STAT1: variants seen among roughly 807,000 people sequenced by gnomAD.
STAT1 encodes signal transducer and activator of transcription 1.
Under a neutral mutation model 111.7 loss-of-function variants are expected in STAT1, and 24 were observed. That is an observed-to-expected ratio of 0.21 (90% CI 0.16 to 0.30). The LOEUF (loss-of-function observed/expected upper bound fraction) is 0.30, where lower values mean the gene tolerates loss of function less well. Among genes scored for constraint, STAT1 ranks in the 10% least tolerant of loss-of-function variants. The probability of loss-of-function intolerance (pLI) is 1.00; values close to 1 mark genes in which losing one functional copy is unlikely to be tolerated. For synonymous variants in STAT1, 332 were observed against 326.5 expected (o/e 1.02, Z -0.18); for missense variants, 351 against 911.9 (o/e 0.38, Z 7.92).
intron 5 of STAT1, among the ~76,000 whole-genome samples, chr2:191,005,461 G>T (rs537976911): frequency 6.6e-6 from 1 of 152,136 alleles, no homozygotes; most frequent in Non-Finnish European, 1.5e-5. Flanking sequence ...CACACTATCT[G>T]TACTGTACCT....
Position 190,979,752 on chromosome 2 carries a change from C to T in STAT1, c.1727+20G>A. 2 of 1,577,762 alleles carry T rather than the reference C, an allele frequency of 1.3e-6. No homozygotes were observed. The highest frequency in any genetic ancestry group is 1.1e-5 in the South Asian group (1 of 90,282). Reference sequence around the variant, plus strand: ...AGCACTAAAAATATGTTTCAAAATACATCTATCGGTGGCCCTTACCCATCA... The same window carrying T: ...AGCACTAAAAATATGTTTCAAAATATATCTATCGGTGGCCCTTACCCATCA... On this transcript the variant is annotated intron_variant, in intron 20 of 24. Transcript: ENST00000361099. This position sits in a 1 kb window ranked among gnomAD's most constrained non-coding sequence, Gnocchi z 5.8.
Position 190,998,088 on chromosome 2 carries a change from A to G in STAT1, c.634-81T>C. On this transcript the variant is annotated intron_variant, in intron 8 of 24. Transcript: ENST00000361099. This position sits in a 1 kb window ranked among gnomAD's most constrained non-coding sequence, Gnocchi z 4.1. ...TAAAATATTTTTTAAAAGAAAAGCA[A>G]ATATCATTTCATTCTCAACTGGGGC... The G allele has an allele frequency of 6.3e-7, 1 of 1,577,128 alleles. No homozygotes were observed.
At position 190,979,529 on chromosome 2, in the gene STAT1, G is replaced by A. The variant is rs1359884881; in HGVS notation, c.1727+243C>T. ...TTGTTGAGTGAATGAATGCATGAAT[G>A]GCACTCAAGAGTTGTTTTTTTTTTT... On this transcript the variant is annotated intron_variant, in intron 20 of 24. Transcript: ENST00000361099. The surrounding 1 kb of genome is among the most constrained non-coding windows in gnomAD (Gnocchi z 5.8). Among the ~76,000 whole-genome samples, 3 of 151,926 alleles carry A rather than the reference G, an allele frequency of 2.0e-5. No individual in the cohort carries two copies. Among genetic ancestry groups the A allele is most frequent in the Admixed American group, 2.0e-4 (3 of 15,262 alleles).
chr2:190,993,528 A>C lies in STAT1; in HGVS notation c.944+1533T>G, dbSNP rs1175715073. ...AACCCCAGAGTCGCCAATCAGAAGT[A>C]ATTTGAATAAATAATCAATTTGGGA... On this transcript the variant is annotated intron_variant, in intron 10 of 24. Coordinates refer to ENST00000361099, the MANE Select transcript of STAT1 (RefSeq NM_007315.4). This position sits in a 1 kb window ranked among gnomAD's most constrained non-coding sequence, Gnocchi z 4.1. 5 of 701,422 alleles carry C rather than the reference A, an allele frequency of 7.1e-6. No individual in the cohort carries two copies. The East Asian group carries it at 1.5e-4, about 21-fold the overall frequency. The allele number at this position is 701,422 out of a possible 1,614,324, so 43.4% of individuals were successfully genotyped here.
chr2:190,972,148 C>T (rs994591483), intron 24 of STAT1, among the ~76,000 whole-genome samples: 2 of 152,198 alleles, frequency 1.3e-5, no homozygotes, highest in African/African-American at 4.8e-5. Flanking sequence ...GGGCAAGTGG[C>T]TTAACCTCTC....
At position 190,982,210 on chromosome 2, in the gene STAT1, T is replaced by C. The variant is rs1692445886; in HGVS notation, c.1582+173A>G. On this transcript the variant is annotated intron_variant, in intron 18 of 24. Coordinates refer to ENST00000361099, the MANE Select transcript of STAT1 (RefSeq NM_007315.4). The surrounding 1 kb of genome is among the most constrained non-coding windows in gnomAD (Gnocchi z 7.3). Reference sequence around the variant, plus strand: ...TTAAATGTTATCAGGTCTATATTTCTTTCTAAGGTGACATATGATTCTCAC... The same window carrying C: ...TTAAATGTTATCAGGTCTATATTTCCTTCTAAGGTGACATATGATTCTCAC... Among the ~76,000 whole-genome samples the C allele has an allele frequency of 6.6e-6, 1 of 152,260 alleles. No individual in the cohort carries two copies.
In STAT1 at chr2:190,995,330, C is replaced by T. The variant is rs761863225; in HGVS notation, c.786-111G>A. The T allele has an allele frequency of 6.4e-6, 7 of 1,092,282 alleles. No individual in the cohort carries two copies. Among genetic ancestry groups the T allele is most frequent in the Admixed American group, 1.7e-5 (1 of 57,636 alleles). 67.7% of individuals were successfully genotyped at this position (1,092,282 alleles called of 1,614,324 possible). A position where few individuals can be genotyped will look rare whatever the true frequency, so the allele number is the denominator to read the frequency against. On this transcript the variant is annotated intron_variant, in intron 9 of 24. Transcript: ENST00000361099. This position sits in a 1 kb window ranked among gnomAD's most constrained non-coding sequence, Gnocchi z 4.2. ...TTCTCATGCTGCTAATAAAGACATA[C>T]TCGAGACTGGAGAATTTATAAAGGA... is the stretch of plus-strand genomic sequence containing the variant.
Position 190,996,533 on chromosome 2 carries a change from A to C in STAT1, c.786-1314T>G, listed in dbSNP as rs1449003080. ...CTACAAGAGGCTCCTGTGGTCTAGG[A>C]GGACCACTAGGGGGCTCTAAACACC... is the stretch of plus-strand genomic sequence containing the variant. On this transcript the variant is annotated intron_variant, in intron 9 of 24. Coordinates refer to ENST00000361099, the MANE Select transcript of STAT1 (RefSeq NM_007315.4). The surrounding 1 kb of genome is among the most constrained non-coding windows in gnomAD (Gnocchi z 4.5). 6.6e-6 allele frequency among the ~76,000 whole-genome samples: 1 copy of C among 152,146 alleles called. No individual in the cohort carries two copies. Among genetic ancestry groups the C allele is most frequent in the Non-Finnish European group, 1.5e-5 (1 of 68,006 alleles).
rs1390708194 is a variant in STAT1 at position 190,974,729 on chromosome 2, C to A, written c.2238+101G>T. Reference sequence around the variant, plus strand: ...TGCACTCTCCTTGGCTCCGCCAGGGCTCCCTCCCGCAGACAGGCCCGGGAT... The same window carrying A: ...TGCACTCTCCTTGGCTCCGCCAGGGATCCCTCCCGCAGACAGGCCCGGGAT... On this transcript the variant is annotated intron_variant, in intron 24 of 24. Coordinates refer to ENST00000361099, the MANE Select transcript of STAT1 (RefSeq NM_007315.4). The surrounding 1 kb of genome is among the most constrained non-coding windows in gnomAD (Gnocchi z 4.8). 7.5e-6 allele frequency: 8 copies of A among 1,062,972 alleles called. No homozygotes were observed. Among genetic ancestry groups the A allele is most frequent in the African/African-American group, 1.6e-5 (1 of 64,198 alleles). 65.8% of individuals were successfully genotyped at this position (1,062,972 alleles called of 1,614,324 possible).
rs1692074910 is a variant in STAT1, at chr2:190,978,405, C to T, written c.1873+451G>A. On this transcript the variant is annotated intron_variant, in intron 21 of 24. Transcript: ENST00000361099. This position sits in a 1 kb window ranked among gnomAD's most constrained non-coding sequence, Gnocchi z 6.1. Reference sequence around the variant, plus strand: ...TGTTTGAAGGCAGGGTAGAGGCTGCCACTCGTCCCAACAGGTCCTGCATCA... The same window carrying T: ...TGTTTGAAGGCAGGGTAGAGGCTGCTACTCGTCCCAACAGGTCCTGCATCA... The T allele has an allele frequency of 4.7e-6, 1 of 214,790 alleles. No individual in the cohort carries two copies. The highest frequency in any genetic ancestry group is 1.0e-4 in the East Asian group (1 of 9,800). The allele number at this position is 214,790 out of a possible 1,614,324, so 13.3% of individuals were successfully genotyped here.
At position 190,975,267 on chromosome 2, in the gene STAT1, A is replaced by T; in HGVS notation, c.2136-335T>A. On this transcript the variant is annotated intron_variant, in intron 23 of 24. Coordinates refer to ENST00000361099, the MANE Select transcript of STAT1 (RefSeq NM_007315.4). The surrounding 1 kb of genome is among the most constrained non-coding windows in gnomAD (Gnocchi z 5.9). ...CAATGCCTCGTGGCTTACCCTGGAC[A>T]GAAAAGCACCAGAGAAATGTCTGGG... is the stretch of plus-strand genomic sequence containing the variant. 1 of 470,018 alleles carries T rather than the reference A, an allele frequency of 2.1e-6. No individual in the cohort carries two copies. The highest frequency in any genetic ancestry group is 1.6e-5 in the South Asian group (1 of 61,538). 29.1% of individuals were successfully genotyped at this position (470,018 alleles called of 1,614,324 possible).
chr2:190,997,794 A>C lies in STAT1; in HGVS notation c.785+62T>G, dbSNP rs1192024505. ...CATTCAACTAACACAGCTCAAAGGTACATTTATGTGTTTATGTGGTTAGCC... is the reference window on the plus strand; with the variant it reads ...CATTCAACTAACACAGCTCAAAGGTCCATTTATGTGTTTATGTGGTTAGCC... On this transcript the variant is annotated intron_variant, in intron 9 of 24. Coordinates refer to ENST00000361099, the MANE Select transcript of STAT1 (RefSeq NM_007315.4). This position sits in a 1 kb window ranked among gnomAD's most constrained non-coding sequence, Gnocchi z 7.3. 28 of 1,609,314 alleles carry C rather than the reference A, an allele frequency of 1.7e-5. No homozygotes were observed. The highest frequency in any genetic ancestry group is 2.3e-5 in the Non-Finnish European group (27 of 1,177,436).
intron 2 of STAT1, among the ~76,000 whole-genome samples, chr2:191,011,851 G>C (rs534321532): frequency 6.6e-6 from 1 of 151,934 alleles, no homozygotes; most frequent in African/African-American, 2.4e-5. Context: ...ACCTAGTCTC[G>C]GGCAGTTCTT....
At position 190,980,604 on chromosome 2, in the gene STAT1, C is replaced by T. The variant is rs746958682; in HGVS notation, c.1632+16G>A. 1 of 1,613,942 alleles carries T rather than the reference C, an allele frequency of 6.2e-7. No individual in the cohort carries two copies. Among genetic ancestry groups the T allele is most frequent in the African/African-American group, 1.3e-5 (1 of 74,934 alleles). Reference sequence around the variant, plus strand: ...CAAAAAGGACTTAGAGAGCATAAAACCCAGACAGTCCTCACCTTACAAAAC... The same window carrying T: ...CAAAAAGGACTTAGAGAGCATAAAATCCAGACAGTCCTCACCTTACAAAAC... On this transcript the variant is annotated intron_variant, in intron 19 of 24. Coordinates refer to ENST00000361099, the MANE Select transcript of STAT1 (RefSeq NM_007315.4). The surrounding 1 kb of genome is among the most constrained non-coding windows in gnomAD (Gnocchi z 6.1).
At position 190,976,761 on chromosome 2, in the gene STAT1, A is replaced by C; in HGVS notation, c.2059+79T>G. On this transcript the variant is annotated intron_variant, in intron 22 of 24. Coordinates refer to ENST00000361099, the MANE Select transcript of STAT1 (RefSeq NM_007315.4). The surrounding 1 kb of genome is among the most constrained non-coding windows in gnomAD (Gnocchi z 6.0). ...TACCAATTCGAAAGCAAAACACTGC[A>C]TGGGTGGAGTTTCAGAATAATCACC... 7.8e-7 allele frequency: 1 copy of C among 1,279,006 alleles called. No individual in the cohort carries two copies. The highest frequency in any genetic ancestry group is 1.1e-6 in the Non-Finnish European group (1 of 876,884). The allele number at this position is 1,279,006 out of a possible 1,614,324, so 79.2% of individuals were successfully genotyped here.
intron 5 of STAT1, among the ~76,000 whole-genome samples, chr2:191,005,043 T>C (rs937481408): frequency 3.9e-5 from 6 of 152,238 alleles, no homozygotes; most frequent in African/African-American, 1.4e-4. Flanking sequence ...TTAAATGTAT[T>C]TTCTAAAAGC....
chr2:190,980,809 G>A lies in STAT1; in HGVS notation c.1583-140C>T, dbSNP rs45619833. 2.8e-4 allele frequency: 232 copies of A among 838,954 alleles called. 1 individual carries two copies. Among genetic ancestry groups the A allele is most frequent in the African/African-American group, 5.1e-4 (30 of 59,344 alleles). 52.0% of individuals were successfully genotyped at this position (838,954 alleles called of 1,614,324 possible). A position where few individuals can be genotyped will look rare whatever the true frequency, so the allele number is the denominator to read the frequency against. On this transcript the variant is annotated intron_variant, in intron 18 of 24. Transcript: ENST00000361099. The surrounding 1 kb of genome is among the most constrained non-coding windows in gnomAD (Gnocchi z 6.1). ...TTGTATGTACACAGTTGACATTTTCGGATACCTTAATGCCAAATTAACTGA... is the reference window on the plus strand; with the variant it reads ...TTGTATGTACACAGTTGACATTTTCAGATACCTTAATGCCAAATTAACTGA...
chr2:191,001,226 A>C, intron 5 of STAT1, 63 bp from the exon 6 acceptor site: 1 of 1,325,582 alleles, frequency 7.5e-7, no homozygotes, highest in Non-Finnish European at 1.1e-6. Flanking sequence ...TGCTGGTTAC[A>C]CTCCAAAGTC....
chr2:191,012,617 T>G lies in STAT1; in HGVS notation c.-2+908A>C, dbSNP rs962387505. On this transcript the variant is annotated intron_variant, in intron 2 of 24. Transcript: ENST00000361099. The surrounding 1 kb of genome is among the most constrained non-coding windows in gnomAD (Gnocchi z 4.0). ...TGTCTCCAACATTCTACCTTCCCAG[T>G]CCAGCCTCTGCTGCCCACAGATTGG... 3.3e-5 allele frequency among the ~76,000 whole-genome samples: 5 copies of G among 152,208 alleles called. No homozygotes were observed. The highest frequency in any genetic ancestry group is 1.2e-4 in the African/African-American group (5 of 41,534).
Sources: gnomAD v4.1 joint callset for allele counts (sites outside exome capture counted in the v4.1 genomes callset) on GRCh38, gnomAD v4.1.1 for gene constraint, Gnocchi (gnomAD v3.1) non-coding constraint, MANE v1.5 for transcripts, NCBI Gene and HGNC (gene_info 2026-07-23, HGNC 2026-07-21) for gene names.